Variants in HYCC1 observed in about 807,000 individuals in gnomAD.
HYCC1 encodes the protein hyccin PI4KA lipid kinase complex subunit 1.
At chr7:22,943,501 G>GT in the HYCC1 span, 1 of 152,160 alleles carries the variant, frequency 6.6e-6, no homozygotes, top group South Asian at 2.1e-4. Flanking sequence ...AGCTAGCAAA[G>GT]GTCTAGAGAG....
the HYCC1 span, among the ~76,000 whole-genome samples, chr7:22,919,777 G>T: frequency 1.3e-5 from 2 of 151,618 alleles, no homozygotes; most frequent in African/African-American, 4.8e-5. Context: ...AAAACAGAAT[G>T]AAGAAAAATT....
the HYCC1 span, among the ~76,000 whole-genome samples, chr7:22,897,497 A>G: frequency 7.2e-5 from 11 of 152,248 alleles, no homozygotes; most frequent in Non-Finnish European, 2.9e-5. Flanking sequence ...ATGGTAGTTC[A>G]CTAATCTATG....
chr7:22,896,289 C>G, the HYCC1 span, among the ~76,000 whole-genome samples: 500 of 152,304 alleles, frequency 3.3e-3, no homozygotes, highest in Non-Finnish European at 6.0e-3. Context: ...GAATATGACT[C>G]TAAAGCAATG....
At chr7:22,957,607 A>C in the HYCC1 span, among the ~76,000 whole-genome samples, 10 of 151,928 alleles carry the variant, frequency 6.6e-5, no homozygotes, top group Non-Finnish European at 8.8e-5. Flanking sequence ...AATCCTCATC[A>C]CCACTGGCTT....
chr7:22,984,169 C>A, the HYCC1 span: 1 of 652,450 alleles, frequency 1.5e-6, no homozygotes. Flanking sequence ...TTAGGAGTGA[C>A]TAACAGGTAT....
At chr7:22,914,945 G>C in the HYCC1 span, among the ~76,000 whole-genome samples, 1 of 152,284 alleles carries the variant, frequency 6.6e-6, no homozygotes, top group South Asian at 2.1e-4. Context: ...CTCTTAAAGA[G>C]GTGGCCGGAG....
the HYCC1 span, among the ~76,000 whole-genome samples, chr7:22,980,091 G>A: frequency 6.6e-6 from 1 of 152,070 alleles, no homozygotes; most frequent in South Asian, 2.1e-4. Context: ...ACAAGGGTCA[G>A]ACCTGGAGCC....
the HYCC1 span, among the ~76,000 whole-genome samples, chr7:22,957,990 T>C: frequency 0.012 from 1,780 of 151,594 alleles, 34 homozygotes; most frequent in African/African-American, 0.039. Flanking sequence ...TTAAAAAATC[T>C]ATAATTTGAG....
At chr7:22,962,564 G>A in the HYCC1 span, among the ~76,000 whole-genome samples, 1,203 of 147,520 alleles carry the variant, frequency 8.2e-3, 21 homozygotes, top group African/African-American at 0.029. Flanking sequence ...AGACCAATTC[G>A]GCTCTGAGGG....
At chr7:22,925,393 G>C in the HYCC1 span, among the ~76,000 whole-genome samples, 2 of 152,158 alleles carry the variant, frequency 1.3e-5, no homozygotes, top group Non-Finnish European at 2.9e-5. Flanking sequence ...CGAGCTAAAG[G>C]AGGAAGTTCG....
chr7:22,909,568 G>C, the HYCC1 span, among the ~76,000 whole-genome samples: 3 of 152,158 alleles, frequency 2.0e-5, no homozygotes, highest in African/African-American at 7.2e-5. Context: ...CCATAAGCGT[G>C]ACTGCTTCTA....
the HYCC1 span, among the ~76,000 whole-genome samples, chr7:22,931,288 C>A: frequency 3.3e-5 from 5 of 149,354 alleles, no homozygotes; most frequent in African/African-American, 4.9e-5. Flanking sequence ...CCTGTCACCA[C>A]TACGAGTGGT....
chr7:22,947,207 GA>G, the HYCC1 span: 3 of 1,549,954 alleles, frequency 1.9e-6, no homozygotes, highest in Non-Finnish European at 2.6e-6. Flanking sequence ...GAATGACAAG[GA>G]TGCCCAATTC....
the HYCC1 span, among the ~76,000 whole-genome samples, chr7:22,916,428 G>C: frequency 6.6e-6 from 1 of 152,020 alleles, no homozygotes; most frequent in African/African-American, 2.4e-5. Flanking sequence ...CCTAAAAGCT[G>C]CTCCCACAAT....
chr7:23,002,663 C>T, the HYCC1 span, among the ~76,000 whole-genome samples: 1 of 152,076 alleles, frequency 6.6e-6, no homozygotes, highest in African/African-American at 2.4e-5. Context: ...ATTTTTGAGG[C>T]TTTGACATTA....
At chr7:22,922,120 CTAACTTTATGAATAATAAAGTTAAT>C in the HYCC1 span, among the ~76,000 whole-genome samples, 38,051 of 149,694 alleles carry the variant, frequency 0.25, 4,933 homozygotes, top group East Asian at 0.48. Flanking sequence ...ACGGCATAAT[CTAACTTTATGAATAATAAAGTTAAT>C]CTAACTTTAT....
chr7:22,911,209 C>A, the HYCC1 span, among the ~76,000 whole-genome samples: 1 of 152,148 alleles, frequency 6.6e-6, no homozygotes, highest in Non-Finnish European at 1.5e-5. Flanking sequence ...AATTTGGTGG[C>A]TGCTATCAAG....
chr7:22,989,886 A>G, the HYCC1 span, among the ~76,000 whole-genome samples: 1 of 152,218 alleles, frequency 6.6e-6, no homozygotes, highest in Non-Finnish European at 1.5e-5. Context: ...GAAAAATGTC[A>G]TAACAATCTC....
chr7:22,963,733 A>C, the HYCC1 span, among the ~76,000 whole-genome samples: 1 of 152,220 alleles, frequency 6.6e-6, no homozygotes, highest in East Asian at 1.9e-4. Context: ...CTGTATTGCA[A>C]AAAACTTGAC....
Sources: gnomAD v4.1 joint callset for allele counts (sites outside exome capture counted in the v4.1 genomes callset) on GRCh38, gnomAD v4.1.1 for gene constraint, MANE v1.5 for transcripts, NCBI Gene and HGNC (gene_info 2026-07-23, HGNC 2026-07-21) for gene names.